FSHR: variants seen among roughly 807,000 people sequenced by gnomAD.
FSHR encodes the protein follicle-stimulating hormone receptor.
In FSHR, 46 loss-of-function variants were observed where a neutral mutation model predicts 52.1. The observed-to-expected ratio is 0.88, with a 90% CI of 0.70 to 1.13. FSHR has a LOEUF of 1.13. Among genes scored for constraint, FSHR ranks in the 50% most tolerant of loss-of-function variants. The pLI, the probability that FSHR is intolerant of heterozygous loss-of-function variation, is 0.00. For synonymous variants in FSHR, 399 were observed against 309.6 expected (o/e 1.29, Z -3.03); for missense variants, 964 against 834.6 (o/e 1.16, Z -1.91).
chr2:48,970,315 C>T (rs1674682630), intron 8 of FSHR, among the ~76,000 whole-genome samples: 1 of 152,142 alleles, frequency 6.6e-6, no homozygotes, highest in Admixed American at 6.5e-5. Context: ...CCTCATCTCA[C>T]AATTCAGTTG....
chr2:48,973,901 T>C (rs1674859115), intron 8 of FSHR, among the ~76,000 whole-genome samples: 1 of 152,202 alleles, frequency 6.6e-6, no homozygotes. Context: ...TGTATGTTTG[T>C]TTGTCTCCTC....
intron 1 of FSHR, among the ~76,000 whole-genome samples, chr2:49,111,462 G>A (rs1019495838): frequency 2.0e-5 from 3 of 152,156 alleles, no homozygotes; most frequent in East Asian, 1.9e-4. Flanking sequence ...TTTCTCCAGC[G>A]GGCCGAGGAA....
chr2:49,111,891 C>T (rs549107211), intron 1 of FSHR, among the ~76,000 whole-genome samples: 13 of 152,256 alleles, frequency 8.5e-5, no homozygotes, highest in African/African-American at 3.1e-4. Context: ...AAAGTGATTC[C>T]ATGTGGATCA....
chr2:49,029,868 C>T (rs1456077365), intron 2 of FSHR, among the ~76,000 whole-genome samples: 1 of 152,076 alleles, frequency 6.6e-6, no homozygotes, highest in African/African-American at 2.4e-5. Context: ...CCCTGCTAGC[C>T]CTGGAATTCT....
At chr2:48,996,883 C>T (rs976068945) in intron 4 of FSHR, among the ~76,000 whole-genome samples, 1 of 152,118 alleles carries the variant, frequency 6.6e-6, no homozygotes, top group Non-Finnish European at 1.5e-5. Flanking sequence ...TGAGGATCAA[C>T]TGTATATGAA....
At position 49,061,364 on chromosome 2, in the gene FSHR, A is replaced by T. The variant is rs115312345; in HGVS notation, c.224+6855T>A. Among the ~76,000 whole-genome samples the T allele has an allele frequency of 2.2e-3, 333 of 152,014 alleles. 1 individual carries two copies. Among genetic ancestry groups the T allele is most frequent in the African/African-American group, 7.4e-3 (308 of 41,442 alleles). On this transcript the variant is annotated intron_variant, in intron 2 of 9. Coordinates refer to ENST00000406846, the MANE Select transcript of FSHR (RefSeq NM_000145.4). Reference sequence around the variant, plus strand: ...GAAAGTGAAGGGATGGATAAAAGTGATTCTGAGCAAAAGGAAATCAAAACT... The same window carrying T: ...GAAAGTGAAGGGATGGATAAAAGTGTTTCTGAGCAAAAGGAAATCAAAACT...
intron 3 of FSHR, among the ~76,000 whole-genome samples, chr2:49,019,592 T>G (rs930507358): frequency 2.6e-5 from 4 of 152,232 alleles, no homozygotes; most frequent in Non-Finnish European, 4.4e-5. Flanking sequence ...ATTTATCTTC[T>G]TTATTCATCA....
chr2:49,138,716 G>A (rs533897583), intron 1 of FSHR, among the ~76,000 whole-genome samples: 1 of 152,316 alleles, frequency 6.6e-6, no homozygotes, highest in Non-Finnish European at 1.5e-5. Context: ...TAGCTAACAT[G>A]TATGAGTTTT....
chr2:48,962,782 C>T lies in FSHR; in HGVS notation c.2039G>A (p.Ser680Asn), dbSNP rs6166. 0.56 allele frequency: 900,176 copies of T among 1,613,272 alleles called. 252,236 individuals carry two copies. Among genetic ancestry groups the T allele is most frequent in the East Asian group, 0.66 (29,538 of 44,860 alleles). The stretch of plus-strand genomic sequence containing the variant: ...AGGGACAAGTATGTAAGTGGAACCA[C>T]TGGTGACTCTGGGAGCTGAAGAGCA... ...GHCSSAPRVT[S>N]GSTYILVPLS... The change falls in exon 10 of 10, where the codon AGT becomes AAT. Residue 680 changes from serine to asparagine, a missense_variant. Coordinates refer to ENST00000406846, the MANE Select transcript of FSHR (RefSeq NM_000145.4).
chr2:49,092,934 C>T (rs928426863), intron 1 of FSHR, among the ~76,000 whole-genome samples: 2 of 152,042 alleles, frequency 1.3e-5, no homozygotes, highest in Non-Finnish European at 2.9e-5. Context: ...CCAAAGTGCT[C>T]GGATTACAGG....
chr2:49,128,972 A>T (rs543698314), intron 1 of FSHR, among the ~76,000 whole-genome samples: 3 of 152,234 alleles, frequency 2.0e-5, no homozygotes, highest in South Asian at 2.1e-4. Flanking sequence ...ATTTTCTCAC[A>T]ATCCTAATTT....
intron 6 of FSHR, among the ~76,000 whole-genome samples, chr2:48,983,689 T>A (rs1486852798): frequency 1.3e-5 from 2 of 152,220 alleles, no homozygotes; most frequent in East Asian, 3.9e-4. Flanking sequence ...AACCTGAACA[T>A]CTCCTGTGAC....
Position 49,070,093 on chromosome 2 carries a change from A to C in FSHR, c.153-1803T>G, listed in dbSNP as rs79326502. Among the ~76,000 whole-genome samples the C allele has an allele frequency of 9.2e-3, 1,393 of 152,240 alleles. 20 individuals carry two copies. Among genetic ancestry groups the C allele is most frequent in the Middle Eastern group, 0.034 (10 of 294 alleles). Reference sequence around the variant, plus strand: ...GTTGCTGCCCTGGAGCAGTTTATATACTTGCTGGGAAGGCAATACCAGAAA... The same window carrying C: ...GTTGCTGCCCTGGAGCAGTTTATATCCTTGCTGGGAAGGCAATACCAGAAA... On this transcript the variant is annotated intron_variant, in intron 1 of 9. Coordinates refer to ENST00000406846, the MANE Select transcript of FSHR (RefSeq NM_000145.4).
At chr2:49,153,980 C>T (rs1293982348) in intron 1 of FSHR, among the ~76,000 whole-genome samples, 2 of 152,116 alleles carry the variant, frequency 1.3e-5, no homozygotes, top group Admixed American at 6.6e-5. Flanking sequence ...AGTATGAAAC[C>T]CAAGAGCAAA....
intron 2 of FSHR, among the ~76,000 whole-genome samples, chr2:49,040,070 G>A (rs775223630): frequency 2.6e-5 from 4 of 152,136 alleles, no homozygotes; most frequent in Non-Finnish European, 5.9e-5. Context: ...AGAGTCTATA[G>A]GTTATCAAAG....
intron 1 of FSHR, among the ~76,000 whole-genome samples, chr2:49,129,268 G>T (rs538423672): frequency 6.6e-6 from 1 of 152,158 alleles, no homozygotes; most frequent in African/African-American, 2.4e-5. Flanking sequence ...TATTGATTCT[G>T]AGTCATCCCT....
At chr2:49,076,159 T>C (rs1329304425) in intron 1 of FSHR, among the ~76,000 whole-genome samples, 2 of 152,184 alleles carry the variant, frequency 1.3e-5, no homozygotes, top group African/African-American at 2.4e-5. Flanking sequence ...CCCAATCTTA[T>C]ATAAACTATA....
At chr2:49,055,008 C>A (rs1467581812) in intron 2 of FSHR, among the ~76,000 whole-genome samples, 3 of 152,086 alleles carry the variant, frequency 2.0e-5, no homozygotes, top group Non-Finnish European at 4.4e-5. Context: ...CTTAAAGGAA[C>A]ACAGTGACTC....
At chr2:48,976,072 A>G (rs1674974144) in intron 8 of FSHR, among the ~76,000 whole-genome samples, 1 of 152,200 alleles carries the variant, frequency 6.6e-6, no homozygotes, top group Non-Finnish European at 1.5e-5. Context: ...CCAGTTTTCA[A>G]AGGAAATGCT....
Sources: gnomAD v4.1 joint callset for allele counts (sites outside exome capture counted in the v4.1 genomes callset) on GRCh38, gnomAD v4.1.1 for gene constraint, MANE v1.5 for transcripts, NCBI Gene and HGNC (gene_info 2026-07-23, HGNC 2026-07-21) for gene names.